EYA2: variants seen among roughly 807,000 people sequenced by gnomAD.
EYA2 encodes the protein EYA transcriptional coactivator and phosphatase 2.
EYA2 carries 31 observed loss-of-function variants against 69.2 expected under a neutral mutation model. That is an observed-to-expected ratio of 0.45 (90% CI 0.34 to 0.60). EYA2 has a LOEUF of 0.60. Among genes scored for constraint, EYA2 ranks in the 20% least tolerant of loss-of-function variants. The pLI is 0.02. For missense variants in EYA2, 622 were observed against 701.2 expected (o/e 0.89, Z 1.28); for synonymous variants, 257 against 279.4 (o/e 0.92, Z 0.80).
chr20:47,016,382 T>A, intron 5 of EYA2, 85 bp downstream of exon 5: 1 of 1,017,472 alleles, frequency 9.8e-7, no homozygotes, highest in Non-Finnish European at 1.6e-6. Context: ...TTCAGCAGAT[T>A]TTTTGAGCAC....
chr20:47,064,234 G>A (rs2146458941), intron 5 of EYA2, among the ~76,000 whole-genome samples: 1 of 152,308 alleles, frequency 6.6e-6, no homozygotes, highest in South Asian at 2.1e-4. Context: ...TGGGATTATA[G>A]GTATGAGCCA....
At chr20:47,067,485 G>A (rs1161790870) in intron 5 of EYA2, among the ~76,000 whole-genome samples, 1 of 151,368 alleles carries the variant, frequency 6.6e-6, no homozygotes, top group East Asian at 2.0e-4. Flanking sequence ...AATGCTTGAG[G>A]TGATGGATAC....
intron 9 of EYA2, among the ~76,000 whole-genome samples, chr20:47,122,487 A>G (rs1191777845): frequency 1.3e-5 from 2 of 151,160 alleles, no homozygotes; most frequent in Admixed American, 6.6e-5. Flanking sequence ...TTTAGTAGAG[A>G]TGGGGTTTCA....
intron 2 of EYA2, among the ~76,000 whole-genome samples, 187 bp downstream of exon 2, chr20:46,990,306 G>A (rs1005199344): frequency 4.6e-5 from 7 of 152,194 alleles, no homozygotes; most frequent in African/African-American, 1.7e-4. Context: ...CTGTCTCATC[G>A]TTAGAGGTAA....
intron 14 of EYA2, among the ~76,000 whole-genome samples, chr20:47,181,300 C>T (rs1273479418): frequency 1.3e-5 from 2 of 152,154 alleles, no homozygotes; most frequent in Admixed American, 6.5e-5. Context: ...TCAGAGACAT[C>T]CAGAAACCCA....
chr20:47,179,680 C>T, intron 12 of EYA2, 118 bp from the exon 13 acceptor site: 2 of 645,970 alleles, frequency 3.1e-6, no homozygotes, highest in South Asian at 3.9e-5. Context: ...TTGAAGTTTA[C>T]TTTGGGTTGT....
chr20:47,082,586 A>T (rs1388001124), intron 7 of EYA2, among the ~76,000 whole-genome samples: 1 of 152,228 alleles, frequency 6.6e-6, no homozygotes, highest in East Asian at 1.9e-4. Flanking sequence ...GGCATTAATA[A>T]ATGGAGATAT....
chr20:47,135,617 T>A (rs2033444954), intron 9 of EYA2, among the ~76,000 whole-genome samples: 1 of 151,202 alleles, frequency 6.6e-6, no homozygotes. Context: ...GTTCAAAGGG[T>A]TGTACAGCTA....
At chr20:47,023,618 G>A (rs1199616139) in intron 5 of EYA2, among the ~76,000 whole-genome samples, 1 of 135,908 alleles carries the variant, frequency 7.4e-6, no homozygotes, top group Non-Finnish European at 1.6e-5. Flanking sequence ...ATCTCCAGAA[G>A]TTTGATTTTG....
chr20:47,084,418 G>A (rs973230873), intron 7 of EYA2, among the ~76,000 whole-genome samples: 4 of 152,106 alleles, frequency 2.6e-5, no homozygotes, highest in Non-Finnish European at 5.9e-5. Flanking sequence ...GTGCAGGCTC[G>A]TAGTCCCAGC....
intron 5 of EYA2, among the ~76,000 whole-genome samples, chr20:47,061,428 G>A (rs529062490): frequency 2.6e-4 from 39 of 152,184 alleles, no homozygotes; most frequent in African/African-American, 9.4e-4. Context: ...CTACTCGGGC[G>A]GCCAAGGTGG....
intron 2 of EYA2, among the ~76,000 whole-genome samples, chr20:46,996,323 A>G (rs1982019480): frequency 6.6e-6 from 1 of 152,170 alleles, no homozygotes; most frequent in Non-Finnish European, 1.5e-5. Flanking sequence ...TGTCTTCTGG[A>G]ATGGAGATTT....
intron 1 of EYA2, among the ~76,000 whole-genome samples, chr20:46,954,318 A>G (rs2146279052): frequency 6.6e-6 from 1 of 152,342 alleles, no homozygotes; most frequent in African/African-American, 2.4e-5. Context: ...AACGATCGGC[A>G]CATAGTAAAA....
At chr20:46,965,648 C>T (rs965539420) in intron 1 of EYA2, among the ~76,000 whole-genome samples, 2 of 152,250 alleles carry the variant, frequency 1.3e-5, no homozygotes, top group African/African-American at 2.4e-5. Flanking sequence ...CAGGTGACCC[C>T]ACCTGGTTGG....
chr20:46,920,855 G>C (rs1456544071), intron 1 of EYA2, among the ~76,000 whole-genome samples: 2 of 152,188 alleles, frequency 1.3e-5, no homozygotes, highest in African/African-American at 2.4e-5. Context: ...GGAGAAACTG[G>C]TGCCACCCAG....
intron 7 of EYA2, among the ~76,000 whole-genome samples, chr20:47,085,114 G>A (rs955515004): frequency 6.6e-6 from 1 of 151,778 alleles, no homozygotes; most frequent in Non-Finnish European, 1.5e-5. Context: ...TAGGATTACA[G>A]GCATGAGCCA....
intron 6 of EYA2, among the ~76,000 whole-genome samples, chr20:47,072,951 A>C (rs1398202970): frequency 6.6e-6 from 1 of 152,234 alleles, no homozygotes; most frequent in Non-Finnish European, 1.5e-5. Flanking sequence ...TCCAGTGAGA[A>C]TCTAAATAAT....
chr20:47,005,633 G>A (rs748661077), intron 4 of EYA2, among the ~76,000 whole-genome samples: 1 of 152,264 alleles, frequency 6.6e-6, no homozygotes, highest in Non-Finnish European at 1.5e-5. Flanking sequence ...ACAGGGTGAT[G>A]GAGATAAGGA....
At chr20:47,120,147 G>T (rs2033007615) in intron 9 of EYA2, among the ~76,000 whole-genome samples, 1 of 152,178 alleles carries the variant, frequency 6.6e-6, no homozygotes, top group Non-Finnish European at 1.5e-5. Flanking sequence ...GGCAGAGGTT[G>T]CAGTGAGCCA....
Sources: allele counts gnomAD v4.1 joint callset (sites outside exome capture counted in the v4.1 genomes callset), GRCh38; gene constraint gnomAD v4.1.1; transcripts MANE v1.5; gene names NCBI Gene and HGNC (gene_info 2026-07-23, HGNC 2026-07-21).